The following SPOCK1 variants were observed in gnomAD, a reference collection of about 807,000 sequenced individuals.
SPOCK1 encodes SPARC (osteonectin), cwcv and kazal like domains proteoglycan 1.
Under a neutral mutation model 55.3 loss-of-function variants are expected in SPOCK1, and 23 were observed. The observed-to-expected ratio is 0.42, with a 90% CI of 0.30 to 0.59. The LOEUF (loss-of-function observed/expected upper bound fraction) is 0.59. Ranked by LOEUF, SPOCK1 falls within the 20% of genes least tolerant of loss-of-function variation. The probability of loss-of-function intolerance (pLI) is 0.22; values close to 1 mark genes in which losing one functional copy is unlikely to be tolerated. For missense variants in SPOCK1, 499 were observed against 552.5 expected, an observed-to-expected ratio of 0.90 and a Z score of 0.97; for synonymous variants, 226 against 221.0, an observed-to-expected ratio of 1.02 and a Z score of -0.20.
chr5:137,478,046 C>T (rs1753871856), intron 2 of SPOCK1, among the ~76,000 whole-genome samples: 1 of 152,154 alleles, frequency 6.6e-6, no homozygotes, highest in Non-Finnish European at 1.5e-5. Context: ...AAGTCACCTC[C>T]TCACCCTATG....
chr5:137,020,873 G>A (rs1751551690), intron 6 of SPOCK1, among the ~76,000 whole-genome samples: 1 of 151,956 alleles, frequency 6.6e-6, no homozygotes, highest in East Asian at 1.9e-4. Context: ...GTTGGCAAAA[G>A]TTAAAAACAA....
rs1751311686 is a variant in SPOCK1 at position 137,009,505 on chromosome 5, A to G, written c.590-16905T>C. 2.0e-5 allele frequency among the ~76,000 whole-genome samples: 3 copies of G among 152,190 alleles called. No homozygotes were observed. The South Asian group carries it at 6.2e-4, about 32-fold the overall frequency. ...TGTATTTGCATTTGTTTCTATGTGC[A>G]TCAAGAGCCTCTTCAAGCATACACA... On this transcript the variant is annotated intron_variant, in intron 6 of 10. Coordinates refer to ENST00000394945, the MANE Select transcript of SPOCK1 (RefSeq NM_004598.4).
At chr5:137,140,736 A>C (rs1580772592) in intron 3 of SPOCK1, 42 bp from the exon 4 acceptor site, 2 of 865,956 alleles carry the variant, frequency 2.3e-6, no homozygotes, top group Admixed American at 3.2e-5. Flanking sequence ...TAGGACCTCC[A>C]GGGAAATTTA....
At chr5:137,118,952 C>T (rs1419608964) in intron 4 of SPOCK1, among the ~76,000 whole-genome samples, 2 of 152,206 alleles carry the variant, frequency 1.3e-5, no homozygotes, top group African/African-American at 4.8e-5. Context: ...TCTAATTGCC[C>T]TGAACGCATC....
chr5:137,354,736 T>A (rs1490111938), intron 2 of SPOCK1, among the ~76,000 whole-genome samples: 2 of 152,140 alleles, frequency 1.3e-5, no homozygotes, highest in Non-Finnish European at 2.9e-5. Flanking sequence ...AAATGTAACC[T>A]TCCTGAGGAC....
At position 137,472,752 on chromosome 5, in the gene SPOCK1, T is replaced by C. The variant is rs115129538; in HGVS notation, c.186+25621A>G. Among the ~76,000 whole-genome samples, 1,019 of 152,202 alleles carry C rather than the reference T, an allele frequency of 6.7e-3. 9 individuals are homozygous for C. The highest frequency in any genetic ancestry group is 0.023 in the African/African-American group (970 of 41,516). ...GACAAGGCAAATAAATCAAAGTACA[T>C]TCAGACAATGGAATATACGCAACTT... On this transcript the variant is annotated intron_variant, in intron 2 of 10. Coordinates refer to ENST00000394945, the MANE Select transcript of SPOCK1 (RefSeq NM_004598.4).
intron 6 of SPOCK1, among the ~76,000 whole-genome samples, chr5:137,062,972 C>T (rs1454518655): frequency 4.0e-5 from 6 of 151,890 alleles, no homozygotes; most frequent in Non-Finnish European, 2.9e-5. Context: ...CGGTGGCTCA[C>T]GCCTGTAATC....
At chr5:137,322,740 A>T (rs1161438489) in intron 2 of SPOCK1, among the ~76,000 whole-genome samples, 3 of 152,224 alleles carry the variant, frequency 2.0e-5, no homozygotes, top group Non-Finnish European at 4.4e-5. Context: ...GAAAAAAGGA[A>T]CAAAAACACT....
At chr5:137,235,659 G>A (rs1472364761) in intron 3 of SPOCK1, among the ~76,000 whole-genome samples, 2 of 152,260 alleles carry the variant, frequency 1.3e-5, no homozygotes, top group Non-Finnish European at 2.9e-5. Flanking sequence ...TCTGTGTGAA[G>A]ATTTGCAACA....
At chr5:137,432,691 GA>G (rs1436112565) in intron 2 of SPOCK1, among the ~76,000 whole-genome samples, 1 of 152,144 alleles carries the variant, frequency 6.6e-6, no homozygotes, top group Non-Finnish European at 1.5e-5. Flanking sequence ...ACTACAATGT[GA>G]ATATACTTAA....
At chr5:137,161,665 G>A (rs1011358367) in intron 3 of SPOCK1, among the ~76,000 whole-genome samples, 4 of 151,818 alleles carry the variant, frequency 2.6e-5, no homozygotes, top group African/African-American at 7.3e-5. Context: ...TTTTGCTGAC[G>A]AAATGTTATT....
intron 4 of SPOCK1, among the ~76,000 whole-genome samples, chr5:137,129,251 G>A (rs774155924): frequency 7.9e-5 from 12 of 152,018 alleles, no homozygotes; most frequent in East Asian, 3.9e-4. Context: ...CTTCTTCCCC[G>A]ACATAGGGCC....
intron 4 of SPOCK1, among the ~76,000 whole-genome samples, chr5:137,138,874 G>A (rs562629876): frequency 6.6e-6 from 1 of 152,292 alleles, no homozygotes; most frequent in Admixed American, 6.5e-5. Flanking sequence ...ATGACAGGTA[G>A]AATGAAGACA....
intron 2 of SPOCK1, among the ~76,000 whole-genome samples, chr5:137,408,583 G>T (rs1752147060): frequency 6.6e-6 from 1 of 152,176 alleles, no homozygotes; most frequent in African/African-American, 2.4e-5. Context: ...AAAAGTAAGG[G>T]GAAAGGGGAA....
chr5:137,026,598 C>G (rs1751679957), intron 6 of SPOCK1, among the ~76,000 whole-genome samples: 1 of 151,976 alleles, frequency 6.6e-6, no homozygotes, highest in African/African-American at 2.4e-5. Flanking sequence ...TTTCCCTCTC[C>G]CTCTCCCTCT....
intron 2 of SPOCK1, among the ~76,000 whole-genome samples, chr5:137,349,874 A>G (rs1319393630): frequency 1.3e-5 from 2 of 152,038 alleles, no homozygotes; most frequent in Non-Finnish European, 2.9e-5. Flanking sequence ...TAACCTGATT[A>G]CCTCTCTAAA....
Position 137,208,399 on chromosome 5 carries a change from TG to T in SPOCK1, c.232+58610del, listed in dbSNP as rs1755554824. Among the ~76,000 whole-genome samples, 3 of 152,168 alleles carry T rather than the reference TG, an allele frequency of 2.0e-5. No individual in the cohort carries two copies. In the South Asian group the frequency reaches 6.2e-4, roughly 32 times the overall value. ...TAAGAAAGGCCACACAACTCATAGA[TG>T]GGAGAAAGACTGAATTCTGCTTCCC... On this transcript the variant is annotated intron_variant, in intron 3 of 10. Transcript: ENST00000394945.
At chr5:137,224,002 C>A (rs1755904105) in intron 3 of SPOCK1, among the ~76,000 whole-genome samples, 1 of 152,158 alleles carries the variant, frequency 6.6e-6, no homozygotes, top group African/African-American at 2.4e-5. Context: ...TCTTTTTCCC[C>A]TAACTAATGA....
In SPOCK1 at chr5:137,013,787, G is replaced by A. The variant is rs545139805; in HGVS notation, c.590-21187C>T. 1.4e-4 allele frequency among the ~76,000 whole-genome samples: 22 copies of A among 152,298 alleles called. No individual in the cohort carries two copies. The South Asian group carries it at 2.3e-3, about 16-fold the overall frequency. On this transcript the variant is annotated intron_variant, in intron 6 of 10. Coordinates refer to ENST00000394945, the MANE Select transcript of SPOCK1 (RefSeq NM_004598.4). ...ATAAATTCCAGTCAAAATACTTTGT[G>A]AAATATGAGACACTTCTCTTTTTCA...
Sources: allele counts gnomAD v4.1 joint callset (sites outside exome capture counted in the v4.1 genomes callset), GRCh38; gene constraint gnomAD v4.1.1; transcripts MANE v1.5; gene names NCBI Gene and HGNC (gene_info 2026-07-23, HGNC 2026-07-21).